Variants in NIPSNAP1 observed in about 807,000 individuals in gnomAD.
The protein encoded by NIPSNAP1 is protein NipSnap homolog 1.
In NIPSNAP1, 25 loss-of-function variants were observed where a neutral mutation model predicts 49.2. The ratio of observed to expected loss-of-function variants is 0.51; its 90% CI spans 0.37 to 0.71. The LOEUF is 0.71. Among genes scored for constraint, NIPSNAP1 ranks in the 30% least tolerant of loss-of-function variants. NIPSNAP1 has a pLI of 0.00. For synonymous variants in NIPSNAP1, 143 were observed against 140.7 expected, an observed-to-expected ratio of 1.02 and a Z score of -0.12; for missense variants, 294 against 361.0, an observed-to-expected ratio of 0.81 and a Z score of 1.50.
chr22:29,561,882 T>C lies in NIPSNAP1; in HGVS notation c.368-20A>G, dbSNP rs770289298. The C allele has an allele frequency of 2.4e-5, 38 of 1,613,264 alleles. No homozygotes were observed. Among genetic ancestry groups the C allele is most frequent in the Admixed American group, 8.3e-5 (5 of 59,968 alleles). On this transcript the variant is annotated intron_variant, in intron 4 of 9. Transcript: ENST00000216121. ...GGTGCACTGTTGGGGGTGAGAGGTA[T>C]AGGTCAGTGAGCTGCTGGGACCCCC...
rs2064280213 is a variant in NIPSNAP1 at position 29,555,118 on chromosome 22, A to C, written c.*817T>G. ...ATAGAAGGACTGGAACTACACATTT[A>C]AGTTTTCAACCCCAATATGCAGGGG... On this transcript the variant is annotated 3_prime_UTR_variant, in exon 10 of 10. Coordinates refer to ENST00000216121, the MANE Select transcript of NIPSNAP1 (RefSeq NM_003634.4). 1 of 152,462 alleles carries C rather than the reference A, an allele frequency of 6.6e-6. No individual in the cohort carries two copies. The highest frequency in any genetic ancestry group is 1.5e-5 in the Non-Finnish European group (1 of 68,152). 9.4% of individuals were successfully genotyped at this position (152,462 alleles called of 1,614,324 possible). A position where few individuals can be genotyped will look rare whatever the true frequency, so the allele number is the denominator to read the frequency against.
rs2064282554 is a variant in NIPSNAP1, at chr22:29,555,257, T to G, written c.*678A>C. On this transcript the variant is annotated 3_prime_UTR_variant, in exon 10 of 10. Coordinates refer to ENST00000216121, the MANE Select transcript of NIPSNAP1 (RefSeq NM_003634.4). ...GTATTCCAGATTCCAAATTCTACAA[T>G]TGAAACCCAAGTTCTGAATTCTAAG... 6.5e-6 allele frequency: 1 copy of G among 152,982 alleles called. No homozygotes were observed. Among genetic ancestry groups the G allele is most frequent in the Non-Finnish European group, 1.5e-5 (1 of 68,492 alleles). 9.5% of individuals were successfully genotyped at this position (152,982 alleles called of 1,614,324 possible).
chr22:29,559,490 T>C (rs1381338015), intron 8 of NIPSNAP1, among the ~76,000 whole-genome samples: 2 of 151,084 alleles, frequency 1.3e-5, no homozygotes, highest in Non-Finnish European at 2.9e-5. Context: ...TGAGCTGAGA[T>C]CACACTACTG....
Position 29,560,848 on chromosome 22 carries a change from A to G in NIPSNAP1, c.612-20T>C, listed in dbSNP as rs2064330435. Reference sequence around the variant, plus strand: ...CGAGCCCTGGAGAAGGCACAATAATATGGGGCAGAAGCCAGGGCTGGTGCA... The same window carrying G: ...CGAGCCCTGGAGAAGGCACAATAATGTGGGGCAGAAGCCAGGGCTGGTGCA... On this transcript the variant is annotated intron_variant, in intron 7 of 9. Transcript: ENST00000216121. 6.2e-7 allele frequency: 1 copy of G among 1,607,056 alleles called. No homozygotes were observed. Among genetic ancestry groups the G allele is most frequent in the Non-Finnish European group, 8.5e-7 (1 of 1,173,822 alleles).
intron 1 of NIPSNAP1, among the ~76,000 whole-genome samples, chr22:29,574,260 A>C (rs1377246459): frequency 4.0e-5 from 5 of 124,124 alleles, no homozygotes; most frequent in African/African-American, 1.6e-4. Flanking sequence ...CTCCATCTTC[A>C]CAAAAAAAAA....
chr22:29,579,800 C>G (rs900540079), intron 1 of NIPSNAP1: 6 of 290,608 alleles, frequency 2.1e-5, no homozygotes, highest in Non-Finnish European at 3.5e-5. Context: ...AGATGAGGAA[C>G]CCGAGGCTTA....
intron 4 of NIPSNAP1, among the ~76,000 whole-genome samples, chr22:29,565,329 T>C (rs2064361913): frequency 6.6e-6 from 1 of 151,606 alleles, no homozygotes; most frequent in Admixed American, 6.6e-5. Flanking sequence ...CTGGCCAAGA[T>C]GGTGAAACTC....
intron 1 of NIPSNAP1, among the ~76,000 whole-genome samples, 187 bp downstream of exon 1, chr22:29,580,798 C>G (rs1433896737): frequency 6.6e-6 from 1 of 152,090 alleles, no homozygotes; most frequent in Non-Finnish European, 1.5e-5. Flanking sequence ...GGACAAAGAC[C>G]CTACCCATCC....
At chr22:29,556,664 A>G (rs1407387666) in intron 9 of NIPSNAP1, among the ~76,000 whole-genome samples, 1 of 152,242 alleles carries the variant, frequency 6.6e-6, no homozygotes, top group Non-Finnish European at 1.5e-5. Flanking sequence ...TTCAAACTTT[A>G]ATGTGCATAC....
chr22:29,561,231 A>G (rs1439795534), intron 6 of NIPSNAP1, 29 bp from the exon 7 acceptor site: 1 of 1,612,208 alleles, frequency 6.2e-7, no homozygotes, highest in Non-Finnish European at 8.5e-7. Flanking sequence ...GATGATGGGA[A>G]TGAGCCCCCA....
chr22:29,572,445 C>T (rs1312252910), intron 1 of NIPSNAP1, among the ~76,000 whole-genome samples: 1 of 151,936 alleles, frequency 6.6e-6, no homozygotes, highest in Non-Finnish European at 1.5e-5. Context: ...CTTTGGGAGG[C>T]TGAGGTCAGA....
intron 6 of NIPSNAP1, 126 bp from the exon 7 acceptor site, chr22:29,561,328 AT>A: frequency 6.9e-7 from 1 of 1,455,770 alleles, no homozygotes; most frequent in East Asian, 2.3e-5. Flanking sequence ...ATTTGGCCTC[AT>A]TCGCAGGCCC....
chr22:29,565,512 C>G (rs1442864889), intron 4 of NIPSNAP1, among the ~76,000 whole-genome samples: 1 of 151,332 alleles, frequency 6.6e-6, no homozygotes, highest in Non-Finnish European at 1.5e-5. Context: ...GACTCGGTCT[C>G]GAAAAAGAAA....
intron 9 of NIPSNAP1, among the ~76,000 whole-genome samples, chr22:29,557,143 G>A (rs2146599255): frequency 6.6e-6 from 1 of 151,270 alleles, no homozygotes; most frequent in African/African-American, 2.4e-5. Context: ...TTTTGAGACA[G>A]GGTCTCACTC....
At chr22:29,575,229 G>GT (rs565636513) in intron 1 of NIPSNAP1, among the ~76,000 whole-genome samples, 116 of 152,284 alleles carry the variant, frequency 7.6e-4, no homozygotes, top group African/African-American at 2.6e-3. Context: ...ATTAACATCA[G>GT]CACTGACCAA....
At chr22:29,574,721 G>T (rs1204225432) in intron 1 of NIPSNAP1, among the ~76,000 whole-genome samples, 1 of 150,410 alleles carries the variant, frequency 6.6e-6, no homozygotes, top group Non-Finnish European at 1.5e-5. Context: ...GGAGGTTGCA[G>T]TGAGCTGAGA....
At chr22:29,579,633 T>C (rs556579044) in intron 1 of NIPSNAP1, 18 of 165,510 alleles carry the variant, frequency 1.1e-4, no homozygotes, top group Non-Finnish European at 2.0e-4. Flanking sequence ...CTCGCCGTGT[T>C]GCCAAGCTGG....
chr22:29,577,989 C>T (rs1483413032), intron 1 of NIPSNAP1, among the ~76,000 whole-genome samples: 1 of 150,512 alleles, frequency 6.6e-6, no homozygotes. Flanking sequence ...ACCTCCACCT[C>T]CCTGGTTTAA....
intron 3 of NIPSNAP1, among the ~76,000 whole-genome samples, chr22:29,569,606 T>C (rs1774736151): frequency 6.6e-6 from 1 of 151,218 alleles, no homozygotes; most frequent in African/African-American, 2.4e-5. Context: ...AGTTTTGCTC[T>C]TGTTGCCCAG....
Sources: gnomAD v4.1 joint callset for allele counts (sites outside exome capture counted in the v4.1 genomes callset) on GRCh38, gnomAD v4.1.1 for gene constraint, MANE v1.5 for transcripts, NCBI Gene and HGNC (gene_info 2026-07-23, HGNC 2026-07-21) for gene names.